Variants in HCRTR2 observed in about 807,000 individuals in gnomAD.
HCRTR2 encodes the protein orexin receptor type 2.
HCRTR2 carries 22 observed loss-of-function variants against 49.0 expected under a neutral mutation model. That is an observed-to-expected ratio of 0.45 (90% CI 0.32 to 0.64). The LOEUF is 0.64. HCRTR2 is among the 30% of genes least tolerant of loss of function. The pLI, the probability that HCRTR2 is intolerant of heterozygous loss-of-function variation, is 0.04. For missense variants in HCRTR2, 491 were observed against 559.4 expected (o/e 0.88, Z 1.23); for synonymous variants, 236 against 205.3 (o/e 1.15, Z -1.28).
At chr6:55,139,512 G>A (rs1259314758) in intron 1 of HCRTR2, among the ~76,000 whole-genome samples, 1 of 152,086 alleles carries the variant, frequency 6.6e-6, no homozygotes, top group Non-Finnish European at 1.5e-5. Flanking sequence ...ACTTTATTTG[G>A]TTATTTGTTT....
intron 1 of HCRTR2, among the ~76,000 whole-genome samples, chr6:55,213,677 C>G (rs1765735183): frequency 6.6e-6 from 1 of 152,084 alleles, no homozygotes. Context: ...TGACTACTTT[C>G]TTGGAAAAGA....
rs188173554 is a variant in HCRTR2, at chr6:55,202,306, T to A, written c.223+27496T>A. 3.1e-3 allele frequency among the ~76,000 whole-genome samples: 477 copies of A among 152,288 alleles called. 1 individual carries two copies. The highest frequency in any genetic ancestry group is 0.011 in the African/African-American group (458 of 41,564). On this transcript the variant is annotated intron_variant, in intron 1 of 6. Coordinates refer to ENST00000370862, the MANE Select transcript of HCRTR2 (RefSeq NM_001384272.1). ...TTGCTAAATACTCTCAACCCACTCA[T>A]GAAATTAAAGCACATTGGAAAACAT... is the stretch of plus-strand genomic sequence containing the variant.
At chr6:55,274,186 T>A (rs1486959276) in intron 4 of HCRTR2, among the ~76,000 whole-genome samples, 4 of 148,976 alleles carry the variant, frequency 2.7e-5, no homozygotes, top group Non-Finnish European at 4.5e-5. Flanking sequence ...CCACAATGAA[T>A]ATATTTATTT....
Position 55,262,786 on chromosome 6 carries a change from A to C in HCRTR2, c.647-921A>C, listed in dbSNP as rs527610540. Among the ~76,000 whole-genome samples, 535 of 130,610 alleles carry C rather than the reference A, an allele frequency of 4.1e-3. 4 individuals carry two copies. The highest frequency in any genetic ancestry group is 0.014 in the African/African-American group (495 of 35,326). The allele number at this position is 130,610 out of a possible 152,430, so 85.7% of individuals were successfully genotyped here. Reference sequence around the variant, plus strand: ...AGGGAATATATATATATATATATATATCTTCTAGAGCATTTACAAAGTTAG... The same window carrying C: ...AGGGAATATATATATATATATATATCTCTTCTAGAGCATTTACAAAGTTAG... On this transcript the variant is annotated intron_variant, in intron 3 of 6. Coordinates refer to ENST00000370862, the MANE Select transcript of HCRTR2 (RefSeq NM_001384272.1).
chr6:55,246,065 T>C (rs1432176916), intron 1 of HCRTR2, among the ~76,000 whole-genome samples: 4 of 151,970 alleles, frequency 2.6e-5, no homozygotes, highest in Non-Finnish European at 5.9e-5. Flanking sequence ...ATTGGAGTTA[T>C]ACTGCACAAG....
upstream of HCRTR2, chr6:55,174,378 C>A: frequency 1.7e-6 from 1 of 596,584 alleles, no homozygotes; most frequent in African/African-American, 1.8e-5. Context: ...CTTCCCGGTG[C>A]AACATCGCCT....
chr6:55,176,225 G>A (rs9370398), intron 1 of HCRTR2, among the ~76,000 whole-genome samples: 4,812 of 152,184 alleles, frequency 0.032, 113 homozygotes, highest in African/African-American at 0.074. Flanking sequence ...TGTTATTTGA[G>A]GAGACAAGAA....
At chr6:55,122,306 G>T (rs1182161510) in intron 1 of HCRTR2, among the ~76,000 whole-genome samples, 1 of 152,092 alleles carries the variant, frequency 6.6e-6, no homozygotes, top group African/African-American at 2.4e-5. Flanking sequence ...AATCAGTGGT[G>T]ATATCCCCTT....
At chr6:55,116,367 A>C (rs1008895152) in intron 1 of HCRTR2, among the ~76,000 whole-genome samples, 7 of 151,708 alleles carry the variant, frequency 4.6e-5, no homozygotes, top group Admixed American at 2.0e-4. Context: ...ATTTAGATTT[A>C]ATTAGGGAAT....
At chr6:55,115,417 A>T (rs1457414114) in intron 1 of HCRTR2, among the ~76,000 whole-genome samples, 1 of 151,438 alleles carries the variant, frequency 6.6e-6, no homozygotes, top group Admixed American at 6.6e-5. Flanking sequence ...CAATTTTCTA[A>T]ACTTCTGCTT....
chr6:55,159,059 C>T (rs571000238), intron 1 of HCRTR2, among the ~76,000 whole-genome samples: 4 of 152,220 alleles, frequency 2.6e-5, no homozygotes, highest in South Asian at 2.1e-4. Flanking sequence ...AGGAGAGCTC[C>T]GGCTGGTATC....
intron 1 of HCRTR2, among the ~76,000 whole-genome samples, chr6:55,245,387 G>GTATATA (rs1270944319): frequency 2.7e-5 from 3 of 111,334 alleles, no homozygotes; most frequent in Middle Eastern, 4.2e-3. Context: ...ATATATATAT[G>GTATATA]TATATATATA....
chr6:55,250,108 T>G (rs952610031), intron 2 of HCRTR2, among the ~76,000 whole-genome samples: 45 of 152,206 alleles, frequency 3.0e-4, no homozygotes, highest in African/African-American at 1.0e-3. Flanking sequence ...TAAACATTGT[T>G]TATAGAATAG....
intron 1 of HCRTR2, among the ~76,000 whole-genome samples, chr6:55,107,363 C>G (rs1053611705): frequency 6.6e-6 from 1 of 152,048 alleles, no homozygotes; most frequent in Non-Finnish European, 1.5e-5. Flanking sequence ...CCGTTACTAG[C>G]TACTTGTTTT....
chr6:55,219,120 A>G (rs1218574826), intron 1 of HCRTR2, among the ~76,000 whole-genome samples: 1 of 152,296 alleles, frequency 6.6e-6, no homozygotes, highest in Non-Finnish European at 1.5e-5. Flanking sequence ...CGTGCTCAGG[A>G]CCCAACTTTC....
intron 2 of HCRTR2, among the ~76,000 whole-genome samples, chr6:55,253,879 G>A (rs766762416): frequency 1.3e-5 from 2 of 152,094 alleles, no homozygotes; most frequent in Non-Finnish European, 2.9e-5. Context: ...GCCTTTCAGA[G>A]GGTAGAGGGT....
At chr6:55,137,459 A>G (rs1434747063) in intron 1 of HCRTR2, among the ~76,000 whole-genome samples, 1 of 152,174 alleles carries the variant, frequency 6.6e-6, no homozygotes, top group African/African-American at 2.4e-5. Flanking sequence ...CTTTTAGTTA[A>G]TTAATTAAAT....
intron 1 of HCRTR2, among the ~76,000 whole-genome samples, chr6:55,164,621 T>C (rs543161801): frequency 6.6e-6 from 1 of 152,116 alleles, no homozygotes; most frequent in East Asian, 1.9e-4. Flanking sequence ...CCAGGGCCTG[T>C]CAGGCAGTGG....
In HCRTR2 at chr6:55,268,530, G is replaced by C. The variant is rs900012993; in HGVS notation, c.762+4708G>C. Among the ~76,000 whole-genome samples, 134 of 151,866 alleles carry C rather than the reference G, an allele frequency of 8.8e-4. 1 individual carries two copies. The highest frequency in any genetic ancestry group is 3.1e-3 in the African/African-American group (130 of 41,396). ...GGTTAAATGTAAAATAACAGAAGTA[G>C]TACTAAAATAATCACAAAAAGGGAG... On this transcript the variant is annotated intron_variant, in intron 4 of 6. Coordinates refer to ENST00000370862, the MANE Select transcript of HCRTR2 (RefSeq NM_001384272.1).
Sources: allele counts gnomAD v4.1 joint callset (sites outside exome capture counted in the v4.1 genomes callset), GRCh38; gene constraint gnomAD v4.1.1; transcripts MANE v1.5; gene names NCBI Gene and HGNC (gene_info 2026-07-23, HGNC 2026-07-21).